RFTN2: variants seen among roughly 807,000 people sequenced by gnomAD.
RFTN2 encodes raftlin-2.
In RFTN2, 34 loss-of-function variants were observed where a neutral mutation model predicts 52.7. That is an observed-to-expected ratio of 0.64 (90% CI 0.49 to 0.86). The LOEUF (loss-of-function observed/expected upper bound fraction) is 0.86, where lower values mean the gene tolerates loss of function less well. Ranked by LOEUF, RFTN2 falls within the 40% of genes least tolerant of loss-of-function variation. RFTN2 has a pLI of 0.00. For missense variants in RFTN2, 536 were observed against 600.1 expected, an observed-to-expected ratio of 0.89 and a Z score of 1.12; for synonymous variants, 203 against 217.7, an observed-to-expected ratio of 0.93 and a Z score of 0.59.
In RFTN2 at chr2:197,572,187, T is replaced by C; in HGVS notation, c.1327A>G (p.Ser443Gly). ...CGGCACTCCTCAGGCAGGTGTCTGC[T>C]CTCTGCAGGTTGTGACGAGGTTGTG... ...LDTTSSQPAE[S>G]RHLPEECRLS... Residue 443 changes from serine (S) to glycine (G), a missense_variant, in exon 9 of 9, where the codon AGC becomes GGC. Ser to Gly is a moderately conservative substitution (Grantham distance 56, BLOSUM62 0). Transcript: ENST00000295049. 6.2e-7 allele frequency: 1 copy of C among 1,614,256 alleles called. No individual in the cohort carries two copies. The highest frequency in any genetic ancestry group is 8.5e-7 in the Non-Finnish European group (1 of 1,180,036).
intron 7 of RFTN2, among the ~76,000 whole-genome samples, chr2:197,603,787 C>T (rs903238112): frequency 2.6e-5 from 4 of 152,056 alleles, no homozygotes; most frequent in African/African-American, 9.7e-5. Flanking sequence ...ATTAGCCAGG[C>T]ATGGTGGTGG....
intron 2 of RFTN2, among the ~76,000 whole-genome samples, 187 bp from the exon 3 acceptor site, chr2:197,644,459 T>C (rs2088719689): frequency 6.6e-6 from 1 of 152,218 alleles, no homozygotes; most frequent in South Asian, 2.1e-4. Flanking sequence ...TTAATTCAAA[T>C]TTCCTTAATT....
chr2:197,605,484 A>G (rs778796680), intron 7 of RFTN2, among the ~76,000 whole-genome samples: 19 of 152,124 alleles, frequency 1.2e-4, no homozygotes, highest in South Asian at 1.2e-3. Flanking sequence ...CAAAGTGCTG[A>G]GATTACAGGC....
intron 5 of RFTN2, among the ~76,000 whole-genome samples, chr2:197,618,441 T>G (rs1457003241): frequency 6.6e-6 from 1 of 151,884 alleles, no homozygotes; most frequent in Non-Finnish European, 1.5e-5. Context: ...CGCTACAACC[T>G]CCACCTCCCA....
intron 1 of RFTN2, among the ~76,000 whole-genome samples, chr2:197,648,776 AGGACTT>A (rs1247177301): frequency 6.6e-6 from 1 of 152,158 alleles, no homozygotes; most frequent in Non-Finnish European, 1.5e-5. Context: ...GGATGCTGGA[AGGACTT>A]GGTGTTTCTG....
At chr2:197,581,107 C>T (rs534753151) in intron 8 of RFTN2, among the ~76,000 whole-genome samples, 4 of 152,314 alleles carry the variant, frequency 2.6e-5, no homozygotes, top group Admixed American at 6.5e-5. Context: ...GCCACTATCC[C>T]ATCCCACAAC....
chr2:197,576,739 CTGTT>C (rs1262324855), intron 8 of RFTN2, among the ~76,000 whole-genome samples: 2 of 152,178 alleles, frequency 1.3e-5, no homozygotes, highest in East Asian at 1.9e-4. Flanking sequence ...ATTTATGACA[CTGTT>C]TGTACAGGAA....
chr2:197,627,879 C>T (rs1215881858), intron 5 of RFTN2, among the ~76,000 whole-genome samples: 1 of 126,792 alleles, frequency 7.9e-6, no homozygotes, highest in Admixed American at 8.6e-5. Flanking sequence ...TCCCCCGCCC[C>T]CCCGCCCCCC....
At chr2:197,646,253 A>G (rs2088746289) in intron 2 of RFTN2, among the ~76,000 whole-genome samples, 1 of 152,180 alleles carries the variant, frequency 6.6e-6, no homozygotes, top group South Asian at 2.1e-4. Flanking sequence ...GTTCACTGAC[A>G]TCCTCACTTA....
At chr2:197,576,075 C>A (rs186409017) in intron 8 of RFTN2, among the ~76,000 whole-genome samples, 46 of 151,564 alleles carry the variant, frequency 3.0e-4, no homozygotes, top group Admixed American at 2.3e-3. Context: ...GTGGTGCAAT[C>A]CCAGCACACT....
intron 1 of RFTN2, among the ~76,000 whole-genome samples, chr2:197,673,048 C>T (rs1434226541): frequency 6.6e-6 from 1 of 151,888 alleles, no homozygotes; most frequent in Non-Finnish European, 1.5e-5. Flanking sequence ...TCCTCCTGCC[C>T]CCATTGGATC....
intron 1 of RFTN2, among the ~76,000 whole-genome samples, chr2:197,669,044 T>C (rs2089104479): frequency 6.6e-6 from 1 of 152,220 alleles, no homozygotes; most frequent in African/African-American, 2.4e-5. Flanking sequence ...TTGTCACTTT[T>C]CTGTGGAATT....
intron 1 of RFTN2, among the ~76,000 whole-genome samples, chr2:197,657,317 T>C (rs1289872140): frequency 6.6e-6 from 1 of 152,220 alleles, no homozygotes. Context: ...CTCATTAGTT[T>C]GTAACTTCTG....
At chr2:197,634,351 T>A (rs536307533) in intron 3 of RFTN2, among the ~76,000 whole-genome samples, 1 of 152,260 alleles carries the variant, frequency 6.6e-6, no homozygotes, top group Admixed American at 6.5e-5. Context: ...TAAAACCTAT[T>A]CCAAGAAATT....
intron 3 of RFTN2, 32 bp downstream of exon 3, chr2:197,644,126 A>G (rs2088713307): frequency 8.6e-7 from 1 of 1,164,024 alleles, no homozygotes; most frequent in Non-Finnish European, 1.3e-6. Flanking sequence ...ATGTTTGTCA[A>G]TATCCCATGA....
intron 5 of RFTN2, among the ~76,000 whole-genome samples, chr2:197,620,723 T>C (rs1293415790): frequency 1.3e-5 from 2 of 152,138 alleles, no homozygotes; most frequent in Non-Finnish European, 2.9e-5. Context: ...TCCCAACAGT[T>C]TGGGAGGCCG....
chr2:197,588,153 C>A, intron 8 of RFTN2: 2 of 386,754 alleles, frequency 5.2e-6, no homozygotes, highest in Admixed American at 3.7e-5. Context: ...CAAAACCCAC[C>A]TATAATTCCA....
chr2:197,597,386 G>A (rs1307508308), intron 7 of RFTN2, among the ~76,000 whole-genome samples: 2 of 152,280 alleles, frequency 1.3e-5, no homozygotes, highest in Non-Finnish European at 2.9e-5. Context: ...ACATGTTTTG[G>A]GAGCATGAAG....
chr2:197,602,297 C>T (rs1353337848), intron 7 of RFTN2, among the ~76,000 whole-genome samples: 1 of 152,082 alleles, frequency 6.6e-6, no homozygotes, highest in Admixed American at 6.6e-5. Flanking sequence ...TCTCAAACTC[C>T]TTACCTCAGG....
Sources: gnomAD v4.1 joint callset for allele counts (sites outside exome capture counted in the v4.1 genomes callset) on GRCh38, gnomAD v4.1.1 for gene constraint, MANE v1.5 for transcripts, NCBI Gene and HGNC (gene_info 2026-07-23, HGNC 2026-07-21) for gene names.